LIMCH1: variants seen among roughly 807,000 people sequenced by gnomAD.
The protein encoded by LIMCH1 is LIM and calponin homology domains-containing protein 1.
A neutral mutation model predicts 176.5 loss-of-function variants in LIMCH1; 113 were observed. The observed-to-expected ratio is 0.64, with a 90% CI of 0.55 to 0.75. The LOEUF (loss-of-function observed/expected upper bound fraction) is 0.75, where lower values mean the gene tolerates loss of function less well. Among genes scored for constraint, LIMCH1 ranks in the 30% least tolerant of loss-of-function variants. The pLI, the probability that LIMCH1 is intolerant of heterozygous loss-of-function variation, is 0.00. For missense variants in LIMCH1, 1,674 were observed against 1,814.9 expected (o/e 0.92, Z 1.41); for synonymous variants, 619 against 645.9 (o/e 0.96, Z 0.63).
At chr4:41,443,476 C>T (rs1355920114) in intron 1 of LIMCH1, among the ~76,000 whole-genome samples, 1 of 152,158 alleles carries the variant, frequency 6.6e-6, no homozygotes, top group Non-Finnish European at 1.5e-5. Flanking sequence ...GTAGTATGGA[C>T]TTTGCTCTTA....
At chr4:41,639,596 G>A (rs879505947) in intron 14 of LIMCH1, among the ~76,000 whole-genome samples, 1 of 151,958 alleles carries the variant, frequency 6.6e-6, no homozygotes, top group East Asian at 1.9e-4. Context: ...TCCTTATCCC[G>A]TACTCCACAT....
At chr4:41,439,897 C>G (rs540078611) in intron 1 of LIMCH1, among the ~76,000 whole-genome samples, 1 of 152,202 alleles carries the variant, frequency 6.6e-6, no homozygotes, top group Non-Finnish European at 1.5e-5. Context: ...GGGCAAAACT[C>G]CATCTCAAAA....
intron 31 of LIMCH1, 100 bp downstream of exon 31, chr4:41,692,484 ACT>A: frequency 1.4e-6 from 1 of 709,140 alleles, no homozygotes; most frequent in East Asian, 2.7e-5. Flanking sequence ...AGCCGTTGAC[ACT>A]CTAATCTGAG....
chr4:41,469,664 A>ATATTTATT (rs2066652719), intron 1 of LIMCH1, among the ~76,000 whole-genome samples: 2 of 83,922 alleles, frequency 2.4e-5, no homozygotes, highest in African/African-American at 1.9e-4. Flanking sequence ...GCTTGTTTTG[A>ATATTTATT]GATTTATTTA....
chr4:41,470,232 G>T (rs2066751877), intron 1 of LIMCH1, among the ~76,000 whole-genome samples: 1 of 152,114 alleles, frequency 6.6e-6, no homozygotes. Context: ...ACTTCTAAAA[G>T]CAACCTGAAG....
At chr4:41,444,648 A>G (rs2063088262) in intron 1 of LIMCH1, among the ~76,000 whole-genome samples, 1 of 152,150 alleles carries the variant, frequency 6.6e-6, no homozygotes, top group African/African-American at 2.4e-5. Context: ...GTGCCAATAC[A>G]AGCATAAGCC....
At chr4:41,467,940 C>A (rs1006227989) in intron 1 of LIMCH1, among the ~76,000 whole-genome samples, 1 of 152,004 alleles carries the variant, frequency 6.6e-6, no homozygotes, top group African/African-American at 2.4e-5. Flanking sequence ...CGTCACATAT[C>A]AGAATTCAAA....
At chr4:41,613,326 T>C (rs1380373993) in intron 4 of LIMCH1, 140 bp from the exon 5 acceptor site, 2 of 807,140 alleles carry the variant, frequency 2.5e-6, no homozygotes, top group Non-Finnish European at 3.9e-6. Flanking sequence ...TCAAAGATGA[T>C]TGATCCTGTA....
intron 1 of LIMCH1, among the ~76,000 whole-genome samples, chr4:41,594,272 T>C (rs2088265463): frequency 6.6e-6 from 1 of 152,250 alleles, no homozygotes; most frequent in Non-Finnish European, 1.5e-5. Flanking sequence ...TTACATGACA[T>C]TGACTTTTTT....
chr4:41,490,773 G>A (rs568642217), intron 1 of LIMCH1, among the ~76,000 whole-genome samples: 20 of 152,306 alleles, frequency 1.3e-4, no homozygotes, highest in Non-Finnish European at 1.9e-4. Flanking sequence ...ATCACGGCCC[G>A]TTCTCGATGA....
intron 5 of LIMCH1, among the ~76,000 whole-genome samples, chr4:41,617,745 C>A (rs560023298): frequency 6.6e-6 from 1 of 152,288 alleles, no homozygotes; most frequent in East Asian, 1.9e-4. Context: ...ATCATTTAAC[C>A]TCCAGGGCAA....
chr4:41,675,666 C>G (rs2095193494), intron 22 of LIMCH1, among the ~76,000 whole-genome samples: 1 of 152,120 alleles, frequency 6.6e-6, no homozygotes, highest in South Asian at 2.1e-4. Context: ...CCCCCACCCC[C>G]CACCTGTACC....
intron 2 of LIMCH1, among the ~76,000 whole-genome samples, chr4:41,601,001 C>T (rs894718768): frequency 2.0e-5 from 3 of 152,086 alleles, no homozygotes; most frequent in Admixed American, 6.6e-5. Context: ...ATCTATCTCT[C>T]CTTTTGTATT....
At chr4:41,635,466 G>C (rs1373866618) in intron 13 of LIMCH1, among the ~76,000 whole-genome samples, 4 of 152,148 alleles carry the variant, frequency 2.6e-5, no homozygotes, top group African/African-American at 9.7e-5. Context: ...GACCTCAAGT[G>C]ATCCACCTGC....
chr4:41,428,685 A>G (rs911782676), intron 1 of LIMCH1, among the ~76,000 whole-genome samples: 3 of 152,228 alleles, frequency 2.0e-5, no homozygotes, highest in African/African-American at 7.2e-5. Flanking sequence ...CCAGAAATGC[A>G]CAGACTGGTT....
rs566787730 is a variant in LIMCH1 at position 41,661,644 on chromosome 4, G to C, written c.3127+134G>C. The C allele has an allele frequency of 1.3e-5, 9 of 701,600 alleles. No homozygotes were observed. The South Asian group carries it at 1.3e-4, about 10-fold the overall frequency. The allele number at this position is 701,600 out of a possible 1,614,324, so 43.5% of individuals were successfully genotyped here. Reference sequence around the variant, plus strand: ...ACTCCAGGAGTGGTGCGGTTGTGCTGCCACCTAGAGGCTTCCTGGGGAAGT... The same window carrying C: ...ACTCCAGGAGTGGTGCGGTTGTGCTCCCACCTAGAGGCTTCCTGGGGAAGT... On this transcript the variant is annotated intron_variant, in intron 19 of 31. Coordinates refer to ENST00000503057, the MANE Select transcript of LIMCH1 (RefSeq NM_001330672.2).
chr4:41,460,406 G>T (rs1373471743), intron 1 of LIMCH1, among the ~76,000 whole-genome samples: 4 of 142,372 alleles, frequency 2.8e-5, no homozygotes. Flanking sequence ...GTTGGCCTTG[G>T]TCTGTAGAAT....
intron 18 of LIMCH1, among the ~76,000 whole-genome samples, chr4:41,654,390 G>A (rs926096648): frequency 6.6e-6 from 1 of 152,156 alleles, no homozygotes; most frequent in Admixed American, 6.5e-5. Flanking sequence ...GCCCAACCGC[G>A]AATGTAAGCG....
At chr4:41,570,674 G>A (rs2083423879) in intron 1 of LIMCH1, among the ~76,000 whole-genome samples, 1 of 152,166 alleles carries the variant, frequency 6.6e-6, no homozygotes, top group African/African-American at 2.4e-5. Flanking sequence ...AGGTAGCTCT[G>A]GGCGGACAAG....
Sources: allele counts gnomAD v4.1 joint callset (sites outside exome capture counted in the v4.1 genomes callset), GRCh38; gene constraint gnomAD v4.1.1; transcripts MANE v1.5; gene names NCBI Gene and HGNC (gene_info 2026-07-23, HGNC 2026-07-21).